Variants in RABEP2 observed in about 807,000 individuals in gnomAD.
RABEP2 encodes rabaptin, RAB GTPase binding effector protein 2.
In RABEP2, 57 loss-of-function variants were observed where a neutral mutation model predicts 74.1. The ratio of observed to expected loss-of-function variants is 0.77; its 90% CI spans 0.62 to 0.96. RABEP2 has a LOEUF of 0.96. RABEP2 is among the 40% of genes least tolerant of loss of function. The probability of loss-of-function intolerance (pLI) is 0.00; values close to 1 mark genes in which losing one functional copy is unlikely to be tolerated. For missense variants in RABEP2, 692 were observed against 756.3 expected (o/e 0.91, Z 1.00); for synonymous variants, 351 against 344.0 (o/e 1.02, Z -0.23).
chr16:28,905,947 G>T, intron 9 of RABEP2, 69 bp from the exon 10 acceptor site: 1 of 1,612,620 alleles, frequency 6.2e-7, no homozygotes, highest in South Asian at 1.1e-5. Flanking sequence ...CCACGCCTGG[G>T]CCCCGGTGGC....
chr16:28,924,137 G>A (rs769943640), intron 2 of RABEP2: 1 of 513,386 alleles, frequency 1.9e-6, no homozygotes, highest in Non-Finnish European at 3.5e-6. Context: ...TCAATCATCA[G>A]TGAGGGACAA....
At chr16:28,921,591 T>C (rs1378916642) in intron 2 of RABEP2, among the ~76,000 whole-genome samples, 1 of 150,940 alleles carries the variant, frequency 6.6e-6, no homozygotes, top group East Asian at 1.9e-4. Context: ...GCCAAGAGGT[T>C]TGGAACTTAT....
At chr16:28,916,885 G>A (rs1411223706) in intron 3 of RABEP2, among the ~76,000 whole-genome samples, 1 of 150,460 alleles carries the variant, frequency 6.6e-6, no homozygotes, top group Non-Finnish European at 1.5e-5. Context: ...TTGGGAGGTT[G>A]AGGAAGGAGA....
At position 28,906,120 on chromosome 16, in the gene RABEP2, C is replaced by G. The variant is rs763870177; in HGVS notation, c.1322G>C (p.Arg441Pro). 3.2e-6 allele frequency: 5 copies of G among 1,572,170 alleles called. No individual in the cohort carries two copies. Among genetic ancestry groups the G allele is most frequent in the East Asian group, 2.4e-5 (1 of 41,868 alleles). ...CAGCGTCACGATCTCGATCCGCAGG[C>G]GCTCGGCCCCGTGCTCCTGGGCCTG... ...RLQAQEHGAERLRIEIVTLRE... is the reference protein window; with the variant it reads ...RLQAQEHGAEPLRIEIVTLRE... The change falls in exon 9 of 13, where the codon CGC (arginine) becomes CCC (proline). Residue 441 changes from arginine (R) to proline (P), a missense_variant. Physicochemically the swap from Arg to Pro is moderately radical, Grantham distance 103. Coordinates refer to ENST00000358201, the MANE Select transcript of RABEP2 (RefSeq NM_024816.3).
intron 3 of RABEP2, chr16:28,918,061 G>GTTTTTTGTTTTTTTTTTTT (rs1964417632): frequency 1.1e-5 from 1 of 93,220 alleles, no homozygotes. Flanking sequence ...TCCTATAATT[G>GTTTTTTGTTTTTTTTTTTT]TTTTTTTTTT....
intron 2 of RABEP2, 120 bp from the exon 3 acceptor site, chr16:28,920,063 G>T: frequency 8.4e-7 from 1 of 1,186,116 alleles, no homozygotes; most frequent in Non-Finnish European, 1.1e-6. Flanking sequence ...CATAGCAGTT[G>T]CCATGGCAGG....
At chr16:28,913,603 T>C (rs961535487) in intron 5 of RABEP2, among the ~76,000 whole-genome samples, 4 of 151,906 alleles carry the variant, frequency 2.6e-5, no homozygotes, top group African/African-American at 9.7e-5. Flanking sequence ...TCCCTCAGCC[T>C]CCTGAGTAGC....
At chr16:28,914,142 G>A (rs542719415) in intron 5 of RABEP2, 94 bp downstream of exon 5, 96 of 1,056,796 alleles carry the variant, frequency 9.1e-5, no homozygotes, top group African/African-American at 1.8e-4. Context: ...TGGAAGCTCC[G>A]GCTCTAGTTC....
intron 7 of RABEP2, chr16:28,910,551 A>C (rs1186616582): frequency 5.0e-6 from 1 of 202,000 alleles, no homozygotes; most frequent in Admixed American, 5.5e-5. Flanking sequence ...CTAGGATTAC[A>C]GGTATGAGTC....
In RABEP2 at chr16:28,908,710, C is replaced by T; in HGVS notation, c.1144G>A (p.Glu382Lys). The part of the protein sequence containing the change: ...CLHHEVKRLN[E>K]ENQGLRAEQL... ...TCGGCCCGGAGCCCTTGGTTTTCCT[C>T]ATTCAACCGCTTTACCTCATGGTGC... Residue 382 changes from glutamate to lysine, a missense_variant, in exon 8 of 13, where the codon GAG becomes AAG. By Grantham distance (56) the Glu-to-Lys change is moderately conservative. Coordinates refer to ENST00000358201, the MANE Select transcript of RABEP2 (RefSeq NM_024816.3). 6.2e-7 allele frequency: 1 copy of T among 1,614,220 alleles called. No individual in the cohort carries two copies. The highest frequency in any genetic ancestry group is 8.5e-7 in the Non-Finnish European group (1 of 1,180,038).
intron 7 of RABEP2, among the ~76,000 whole-genome samples, chr16:28,909,565 T>C (rs1046182640): frequency 6.6e-6 from 1 of 151,688 alleles, no homozygotes; most frequent in African/African-American, 2.4e-5. Flanking sequence ...AATTTACAAA[T>C]TAGCTGGGCA....
intron 8 of RABEP2, among the ~76,000 whole-genome samples, chr16:28,906,765 A>G (rs1260610538): frequency 6.6e-6 from 1 of 151,906 alleles, no homozygotes. Context: ...ACTCCATCTC[A>G]AACAGAAACA....
chr16:28,914,550 T>C lies in RABEP2; in HGVS notation c.580A>G (p.Thr194Ala), dbSNP rs1385257868. ...PRHAPSLHGSTELLPLSRDPS... is the reference protein window; with the variant it reads ...PRHAPSLHGSAELLPLSRDPS... ...TCCCGGGACAGGGGCAGCAACTCCG[T>C]GGAGCCGTGCAGGGAAGGGGCATGC... is the stretch of plus-strand genomic sequence containing the variant. Residue 194 changes from threonine (T) to alanine (A), a missense_variant, in exon 5 of 13, where the codon ACG (threonine) becomes GCG (alanine). Coordinates refer to ENST00000358201, the MANE Select transcript of RABEP2 (RefSeq NM_024816.3). 2.5e-6 allele frequency: 4 copies of C among 1,611,190 alleles called. No individual in the cohort carries two copies. The African/African-American group carries it at 5.3e-5, about 22-fold the overall frequency.
At chr16:28,921,647 ATT>A (rs56325875) in intron 2 of RABEP2, among the ~76,000 whole-genome samples, 21,188 of 113,252 alleles carry the variant, frequency 0.19, 2,038 homozygotes, top group East Asian at 0.24. Flanking sequence ...TAGAACATAG[ATT>A]TTTTTTTTTT....
chr16:28,904,520 T>C lies in RABEP2; in HGVS notation c.*423A>G, dbSNP rs1161332800. ...TGGGTCGCCGCTGTGGACAAGCGTC[T>C]TAGTGTCATGCAGACCAGAAGGCAG... is the stretch of plus-strand genomic sequence containing the variant. On this transcript the variant is annotated 3_prime_UTR_variant, in exon 13 of 13. Transcript: ENST00000358201. 1 of 1,464,232 alleles carries C rather than the reference T, an allele frequency of 6.8e-7. No individual in the cohort carries two copies. Among genetic ancestry groups the C allele is most frequent in the Non-Finnish European group, 9.1e-7 (1 of 1,101,458 alleles). The allele number at this position is 1,464,232 out of a possible 1,614,324, so 90.7% of individuals were successfully genotyped here. A position where few individuals can be genotyped will look rare whatever the true frequency, so the allele number is the denominator to read the frequency against.
At chr16:28,913,272 C>T in intron 5 of RABEP2, among the ~76,000 whole-genome samples, 1 of 151,900 alleles carries the variant, frequency 6.6e-6, no homozygotes, top group Non-Finnish European at 1.5e-5. Flanking sequence ...ATCTGGGTCT[C>T]AGTTCCAGCC....
chr16:28,908,882 C>T (rs532258093), intron 7 of RABEP2, 118 bp from the exon 8 acceptor site: 16 of 1,103,558 alleles, frequency 1.4e-5, no homozygotes, highest in Middle Eastern at 2.3e-4. Context: ...CATACCCTCT[C>T]TGTTCCTAAG....
At chr16:28,906,582 T>C (rs976545668) in intron 8 of RABEP2, among the ~76,000 whole-genome samples, 12 of 152,070 alleles carry the variant, frequency 7.9e-5, no homozygotes, top group African/African-American at 2.7e-4. Flanking sequence ...CTGGCCAATA[T>C]GGTGAAACTC....
Position 28,924,634 on chromosome 16 carries a change from A to G in RABEP2, c.62-19T>C. ...TCCAGTGCTGTGGGGGACAGGGATC[A>G]GCCTCTCTTCCCATCTCTTACCCCA... On this transcript the variant is annotated intron_variant, in intron 1 of 12. Coordinates refer to ENST00000358201, the MANE Select transcript of RABEP2 (RefSeq NM_024816.3). 1 of 1,600,878 alleles carries G rather than the reference A, an allele frequency of 6.2e-7. No individual in the cohort carries two copies. The highest frequency in any genetic ancestry group is 1.1e-5 in the South Asian group (1 of 90,998).
Sources: gnomAD v4.1 joint callset for allele counts (sites outside exome capture counted in the v4.1 genomes callset) on GRCh38, gnomAD v4.1.1 for gene constraint, MANE v1.5 for transcripts, NCBI Gene and HGNC (gene_info 2026-07-23, HGNC 2026-07-21) for gene names.